ISCU: variants seen among roughly 807,000 people sequenced by gnomAD.
The protein encoded by ISCU is iron-sulfur cluster assembly enzyme, also known as iron-sulfur cluster assembly enzyme ISCU.
A neutral mutation model predicts 18.4 loss-of-function variants in ISCU; 13 were observed. The ratio of observed to expected loss-of-function variants is 0.71; its 90% CI spans 0.46 to 1.12. The LOEUF (loss-of-function observed/expected upper bound fraction) is 1.12, where lower values mean the gene tolerates loss of function less well. Ranked by LOEUF, ISCU falls within the 50% of genes most tolerant of loss-of-function variation. The pLI, the probability that ISCU is intolerant of heterozygous loss-of-function variation, is 0.00. For synonymous variants in ISCU, 104 were observed against 87.5 expected (o/e 1.19, Z -1.06); for missense variants, 229 against 208.7 (o/e 1.10, Z -0.60).
At chr12:108,562,487 G>C (rs1170115471), upstream of ISCU, 1 of 486,726 alleles carries the variant, frequency 2.1e-6, no homozygotes, top group Admixed American at 4.4e-5. Context: ...GAAGGCGGAC[G>C]CGTGCACGGA....
chr12:108,567,630 G>A, intron 4 of ISCU: 1 of 1,529,760 alleles, frequency 6.5e-7, no homozygotes, highest in Non-Finnish European at 8.8e-7. Context: ...GGAAGAGCCA[G>A]AATTTAAGCT....
chr12:108,565,836 CTGT>C (rs1196993134), intron 3 of ISCU, among the ~76,000 whole-genome samples: 1 of 152,142 alleles, frequency 6.6e-6, no homozygotes, highest in Non-Finnish European at 1.5e-5. Flanking sequence ...ATAAACTAGC[CTGT>C]GTTAAAAGAG....
intron 4 of ISCU, chr12:108,567,994 A>C: frequency 6.5e-7 from 1 of 1,531,394 alleles, no homozygotes; most frequent in East Asian, 2.4e-5. Context: ...AAAAATCAGC[A>C]GAGAGTCAGG....
chr12:108,564,460 C>T, intron 2 of ISCU, 68 bp downstream of exon 2: 1 of 1,048,008 alleles, frequency 9.5e-7, no homozygotes, highest in Non-Finnish European at 1.5e-6. Context: ...TTGCGCATTT[C>T]ACTTGGTCTC....
At chr12:108,568,491 C>A in intron 4 of ISCU, 1 of 1,199,250 alleles carries the variant, frequency 8.3e-7, no homozygotes. Context: ...TGTGTCCCTA[C>A]TATGTGTCAG....
At chr12:108,567,832 C>G (rs1462585816) in intron 4 of ISCU, 9 of 1,509,190 alleles carry the variant, frequency 6.0e-6, no homozygotes, top group Non-Finnish European at 8.0e-6. Context: ...AAAAAAAAGC[C>G]CAGATGCCTT....
intron 4 of ISCU, chr12:108,567,899 A>G (rs1175630793): frequency 7.0e-7 from 1 of 1,420,172 alleles, no homozygotes; most frequent in African/African-American, 1.4e-5. Flanking sequence ...TGCTTTTTCC[A>G]TCATTTCTTA....
chr12:108,562,601 G>A lies in ISCU; in HGVS notation c.-22G>A. ...CCGCCCCTCGGCGTCGCTCTGGACT[G>A]GCGCAGGCGCAAGCCGGCAAGATGG... On this transcript the variant is annotated 5_prime_UTR_variant, in exon 1 of 5. Coordinates refer to ENST00000311893, the MANE Select transcript of ISCU (RefSeq NM_213595.4). The A allele has an allele frequency of 7.2e-7, 1 of 1,389,478 alleles. No homozygotes were observed. Among genetic ancestry groups the A allele is most frequent in the Non-Finnish European group, 9.5e-7 (1 of 1,057,352 alleles). The allele number at this position is 1,389,478 out of a possible 1,614,324, so 86.1% of individuals were successfully genotyped here.
At chr12:108,567,129 G>T in intron 3 of ISCU, 61 bp from the exon 4 acceptor site, 1 of 1,272,742 alleles carries the variant, frequency 7.9e-7, no homozygotes, top group Non-Finnish European at 1.1e-6. Context: ...CTTTTTTATT[G>T]GCTGGCCCTC....
intron 4 of ISCU, chr12:108,567,998 A>C: frequency 6.5e-7 from 1 of 1,531,224 alleles, no homozygotes; most frequent in Non-Finnish European, 8.7e-7. Flanking sequence ...ATCAGCAGAG[A>C]GTCAGGCCTC....
chr12:108,564,041 T>A (rs770458054), intron 1 of ISCU: 4 of 1,493,830 alleles, frequency 2.7e-6, no homozygotes, highest in Non-Finnish European at 3.7e-6. Flanking sequence ...ATGATTTCAC[T>A]GATTTTTTTT....
rs2030942143 is a variant in ISCU, at chr12:108,567,235, C to G, written c.385C>G (p.Leu129Val). 1 of 1,613,970 alleles carries G rather than the reference C, an allele frequency of 6.2e-7. No homozygotes were observed. Among genetic ancestry groups the G allele is most frequent in the Non-Finnish European group, 8.5e-7 (1 of 1,179,956 alleles). Residue 129 changes from leucine to valine, a missense_variant, in exon 4 of 5, where the codon CTC becomes GTC. By Grantham distance (32) the Leu-to-Val change is conservative. Coordinates refer to ENST00000311893, the MANE Select transcript of ISCU (RefSeq NM_213595.4). ...CAAAAACACAGATATCGCCAAGGAG[C>G]TCTGCCTTCCTCCCGTGAAACTGCA... ...TIKNTDIAKE[L>V]CLPPVKLHCS... is the part of the protein sequence containing the mutation.
chr12:108,567,611 C>A, intron 4 of ISCU: 1 of 1,485,508 alleles, frequency 6.7e-7, no homozygotes, highest in Non-Finnish European at 9.1e-7. Flanking sequence ...CATCACATGG[C>A]TAATAAGTGG....
chr12:108,561,821 T>G (rs557150762), upstream of ISCU, among the ~76,000 whole-genome samples: 5 of 152,004 alleles, frequency 3.3e-5, no homozygotes, highest in South Asian at 4.1e-4. Context: ...TGCTGTTGTT[T>G]TAGAGAGAAA....
At chr12:108,562,595 T>C, upstream of ISCU, 1 of 1,336,192 alleles carries the variant, frequency 7.5e-7, no homozygotes, top group Non-Finnish European at 9.8e-7. Flanking sequence ...GGCGTCGCTC[T>C]GGACTGGCGC....
intron 2 of ISCU, 93 bp from the exon 3 acceptor site, chr12:108,565,228 A>T: frequency 1.1e-6 from 1 of 882,578 alleles, no homozygotes; most frequent in Non-Finnish European, 1.9e-6. Context: ...GCAAGCCCAA[A>T]GCCCTTGGGG....
rs1298441714 is a variant in ISCU at position 108,567,236 on chromosome 12, T to C, written c.386T>C (p.Leu129Pro). ...AAAAACACAGATATCGCCAAGGAGC[T>C]CTGCCTTCCTCCCGTGAAACTGCAC... is the stretch of plus-strand genomic sequence containing the variant. ...TIKNTDIAKE[L>P]CLPPVKLHCS... Residue 129 changes from leucine (L) to proline (P), a missense_variant, in exon 4 of 5, where the codon CTC becomes CCC. Transcript: ENST00000311893. 1 of 1,613,954 alleles carries C rather than the reference T, an allele frequency of 6.2e-7. No homozygotes were observed. Among genetic ancestry groups the C allele is most frequent in the Non-Finnish European group, 8.5e-7 (1 of 1,179,952 alleles).
upstream of ISCU, among the ~76,000 whole-genome samples, chr12:108,562,065 G>A (rs1192286045): frequency 6.6e-6 from 1 of 152,146 alleles, no homozygotes; most frequent in Non-Finnish European, 1.5e-5. Context: ...TCATGATGAA[G>A]CAATTGTCCT....
upstream of ISCU, among the ~76,000 whole-genome samples, chr12:108,562,343 G>C (rs566924703): frequency 8.4e-6 from 1 of 119,332 alleles, no homozygotes; most frequent in African/African-American, 2.7e-5. Flanking sequence ...AAGCGAACTT[G>C]AGCCCCACAC....
Sources: gnomAD v4.1 joint callset for allele counts (sites outside exome capture counted in the v4.1 genomes callset) on GRCh38, gnomAD v4.1.1 for gene constraint, MANE v1.5 for transcripts, NCBI Gene and HGNC (gene_info 2026-07-23, HGNC 2026-07-21) for gene names.